Variants in DPP10 observed in about 807,000 individuals in gnomAD.
DPP10 encodes inactive dipeptidyl peptidase 10.
DPP10 carries 33 observed loss-of-function variants against 120.9 expected under a neutral mutation model. The ratio of observed to expected loss-of-function variants is 0.27; its 90% CI spans 0.21 to 0.37. The LOEUF (loss-of-function observed/expected upper bound fraction) is 0.37. Ranked by LOEUF, DPP10 falls within the 10% of genes least tolerant of loss-of-function variation. The pLI, the probability that DPP10 is intolerant of heterozygous loss-of-function variation, is 1.00. For missense variants in DPP10, 816 were observed against 942.8 expected (o/e 0.87, Z 1.76); for synonymous variants, 337 against 326.1 (o/e 1.03, Z -0.36).
At chr2:115,565,827 C>A (rs1037082615) in intron 5 of DPP10, among the ~76,000 whole-genome samples, 1 of 149,152 alleles carries the variant, frequency 6.7e-6, no homozygotes, top group Admixed American at 6.7e-5. Flanking sequence ...ACTCTGTCAC[C>A]CAGGCTGGAT....
chr2:115,806,695 G>T (rs1365888785), intron 19 of DPP10, among the ~76,000 whole-genome samples: 1 of 152,030 alleles, frequency 6.6e-6, no homozygotes, highest in East Asian at 1.9e-4. Flanking sequence ...TATATGTATT[G>T]TCAGCCTCAG....
intron 1 of DPP10, among the ~76,000 whole-genome samples, chr2:115,059,682 C>T (rs1352935596): frequency 3.8e-5 from 1 of 26,512 alleles, no homozygotes; most frequent in African/African-American, 1.5e-4. Flanking sequence ...GTGACCTCAA[C>T]AGGAAAAAAA....
intron 1 of DPP10, among the ~76,000 whole-genome samples, chr2:114,667,924 A>G (rs1698051725): frequency 6.6e-6 from 1 of 152,206 alleles, no homozygotes; most frequent in African/African-American, 2.4e-5. Context: ...TTTGAGTTTT[A>G]CAAATATTCA....
chr2:114,655,980 C>A (rs963479640), intron 1 of DPP10, among the ~76,000 whole-genome samples: 1 of 152,028 alleles, frequency 6.6e-6, no homozygotes, highest in Admixed American at 6.6e-5. Context: ...TCCTAACTAT[C>A]GAATTAGGTG....
chr2:115,672,616 C>T (rs560438757), intron 5 of DPP10, among the ~76,000 whole-genome samples: 212 of 145,360 alleles, frequency 1.5e-3, no homozygotes, highest in African/African-American at 4.8e-3. Flanking sequence ...GTCATCATGG[C>T]GCCCCTTCTT....
At chr2:115,067,463 AG>A (rs1251378438) in intron 1 of DPP10, among the ~76,000 whole-genome samples, 1 of 149,244 alleles carries the variant, frequency 6.7e-6, no homozygotes, top group Non-Finnish European at 1.5e-5. Context: ...CGTGTTAGCC[AG>A]GATGGTTTCG....
intron 5 of DPP10, among the ~76,000 whole-genome samples, chr2:115,612,399 A>T (rs769994228): frequency 1.3e-5 from 2 of 152,110 alleles, no homozygotes; most frequent in South Asian, 4.1e-4. Flanking sequence ...CTAATCAACT[A>T]TTTGCAGGAT....
chr2:115,388,049 G>A (rs1218909209), intron 3 of DPP10, among the ~76,000 whole-genome samples: 1 of 152,182 alleles, frequency 6.6e-6, no homozygotes, highest in African/African-American at 2.4e-5. Flanking sequence ...ACCTTCAAAG[G>A]TTAAAAAATA....
chr2:115,138,620 G>A (rs1317866655), intron 1 of DPP10, among the ~76,000 whole-genome samples: 14 of 152,116 alleles, frequency 9.2e-5, no homozygotes, highest in Admixed American at 7.2e-4. Context: ...GAGTGAGAAT[G>A]ATTACTATGT....
At chr2:114,935,903 C>G (rs1196599112) in intron 1 of DPP10, among the ~76,000 whole-genome samples, 1 of 151,502 alleles carries the variant, frequency 6.6e-6, no homozygotes, top group Non-Finnish European at 1.5e-5. Context: ...ATAATTAACT[C>G]AAAATCTCCA....
At chr2:114,821,766 T>C (rs184256331) in intron 1 of DPP10, among the ~76,000 whole-genome samples, 2 of 152,200 alleles carry the variant, frequency 1.3e-5, no homozygotes, top group Admixed American at 1.3e-4. Context: ...CAAAATCCAA[T>C]AGGGTAGTAA....
chr2:114,485,307 G>A (rs79819930), intron 1 of DPP10, among the ~76,000 whole-genome samples: 195 of 152,218 alleles, frequency 1.3e-3, no homozygotes, highest in Middle Eastern at 6.8e-3. Flanking sequence ...CTGGCAGAGC[G>A]GTGGGTTTTG....
intron 1 of DPP10, among the ~76,000 whole-genome samples, chr2:115,265,299 A>G (rs964122134): frequency 3.3e-5 from 5 of 150,370 alleles, no homozygotes; most frequent in African/African-American, 1.2e-4. Flanking sequence ...ATATGCACAC[A>G]TACATATATA....
At chr2:115,437,620 T>C (rs1026014669) in intron 3 of DPP10, among the ~76,000 whole-genome samples, 5 of 152,044 alleles carry the variant, frequency 3.3e-5, no homozygotes, top group Admixed American at 6.6e-5. Flanking sequence ...AAAACGATGC[T>C]GGATAGGAAA....
intron 1 of DPP10, among the ~76,000 whole-genome samples, chr2:115,255,528 C>T (rs1022798661): frequency 2.0e-5 from 3 of 152,160 alleles, no homozygotes; most frequent in Non-Finnish European, 4.4e-5. Context: ...TTTAATTTCT[C>T]CCCAGAAAAT....
chr2:114,853,603 T>A (rs1022626125), intron 1 of DPP10, among the ~76,000 whole-genome samples: 2 of 152,160 alleles, frequency 1.3e-5, no homozygotes, highest in Non-Finnish European at 2.9e-5. Context: ...TCTACTTAAG[T>A]GGGGGCTGCA....
chr2:115,383,246 A>G (rs2066558780), intron 3 of DPP10, among the ~76,000 whole-genome samples: 1 of 152,182 alleles, frequency 6.6e-6, no homozygotes. Flanking sequence ...TTGTGGGGGC[A>G]GGTCTTTCCG....
At chr2:114,810,574 C>T (rs933470347) in intron 1 of DPP10, among the ~76,000 whole-genome samples, 1 of 152,178 alleles carries the variant, frequency 6.6e-6, no homozygotes, top group Non-Finnish European at 1.5e-5. Flanking sequence ...TTCTTTTATA[C>T]TTAAGGGACT....
At position 115,338,451 on chromosome 2, in the gene DPP10, A is replaced by AT. The variant is rs1469060210; in HGVS notation, c.176-5358dup. On this transcript the variant is annotated intron_variant, in intron 2 of 25. Transcript: ENST00000410059. The stretch of plus-strand genomic sequence containing the variant: ...TTCAACATTTTTTTAAAATAAATTA[A>AT]TTTTTTTTAGTTTTAGGGATTAGGC... 4.6e-5 allele frequency among the ~76,000 whole-genome samples: 7 copies of AT among 152,032 alleles called. No homozygotes were observed. The South Asian group carries it at 1.0e-3, about 23-fold the overall frequency.
Sources: allele counts gnomAD v4.1 joint callset (sites outside exome capture counted in the v4.1 genomes callset), GRCh38; gene constraint gnomAD v4.1.1; transcripts MANE v1.5; gene names NCBI Gene and HGNC (gene_info 2026-07-23, HGNC 2026-07-21).